The following CCSAP variants were observed in gnomAD, a reference collection of about 807,000 sequenced individuals.
CCSAP encodes centriole, cilia and spindle-associated protein.
Under a neutral mutation model 25.9 loss-of-function variants are expected in CCSAP, and 17 were observed. That is an observed-to-expected ratio of 0.66 (90% CI 0.45 to 0.99). CCSAP has a LOEUF of 0.99. CCSAP is among the 50% of genes least tolerant of loss of function. The probability of loss-of-function intolerance (pLI) is 0.00; values close to 1 mark genes in which losing one functional copy is unlikely to be tolerated. For missense variants in CCSAP, 339 were observed against 367.8 expected, an observed-to-expected ratio of 0.92 and a Z score of 0.64; for synonymous variants, 169 against 157.1, an observed-to-expected ratio of 1.08 and a Z score of -0.57.
At chr1:229,338,901 T>C (rs1264453292) in intron 2 of CCSAP, among the ~76,000 whole-genome samples, 1 of 151,900 alleles carries the variant, frequency 6.6e-6, no homozygotes, top group Non-Finnish European at 1.5e-5. Flanking sequence ...ATTCAAGAGC[T>C]CTTACATTTA....
At chr1:229,340,149 A>C (rs936434167) in intron 2 of CCSAP, among the ~76,000 whole-genome samples, 1 of 152,216 alleles carries the variant, frequency 6.6e-6, no homozygotes, top group Non-Finnish European at 1.5e-5. Context: ...AGAAACTCAA[A>C]AGAGTGCTCA....
chr1:229,322,058 G>A lies in CCSAP; in HGVS notation c.*3177C>T, dbSNP rs534008546. 1 of 152,332 alleles carries A rather than the reference G, an allele frequency of 6.6e-6. No homozygotes were observed. Among genetic ancestry groups the A allele is most frequent in the African/African-American group, 2.4e-5 (1 of 41,574 alleles). 9.4% of individuals were successfully genotyped at this position (152,332 alleles called of 1,614,324 possible). On this transcript the variant is annotated 3_prime_UTR_variant, in exon 4 of 4. Coordinates refer to ENST00000284617, the MANE Select transcript of CCSAP (RefSeq NM_145257.5). ...CTACACCATTTTATAGAAGGGGTTT[G>A]AGTATCCATGGAGTTTGGCATCCTA...
intron 2 of CCSAP, among the ~76,000 whole-genome samples, chr1:229,333,399 C>T (rs1264237039): frequency 6.9e-6 from 1 of 145,158 alleles, no homozygotes; most frequent in Non-Finnish European, 1.5e-5. Flanking sequence ...CGCCACTGCA[C>T]TCCAGCCTGG....
In CCSAP at chr1:229,322,486, A is replaced by G. The variant is rs1051239540; in HGVS notation, c.*2749T>C. ...ATTCATTTTTAAAATGAATCTTTTGAAGATCCATTTATTCACATTTTTCCA... is the reference window on the plus strand; with the variant it reads ...ATTCATTTTTAAAATGAATCTTTTGGAGATCCATTTATTCACATTTTTCCA... On this transcript the variant is annotated 3_prime_UTR_variant, in exon 4 of 4. Coordinates refer to ENST00000284617, the MANE Select transcript of CCSAP (RefSeq NM_145257.5). 2.6e-5 allele frequency: 4 copies of G among 152,206 alleles called. No homozygotes were observed. The highest frequency in any genetic ancestry group is 9.7e-5 in the African/African-American group (4 of 41,448). The allele number at this position is 152,206 out of a possible 1,614,324, so 9.4% of individuals were successfully genotyped here.
chr1:229,338,727 A>T (rs1658259613), intron 2 of CCSAP, among the ~76,000 whole-genome samples: 1 of 152,214 alleles, frequency 6.6e-6, no homozygotes, highest in Non-Finnish European at 1.5e-5. Flanking sequence ...TGCTGAAGAA[A>T]CACAGAAAGA....
In CCSAP at chr1:229,325,532, C is replaced by T; in HGVS notation, c.637-121G>A. ...TGCAGCAGGGCAGAGTCAAGCCCTGCCTCTCTATATAGTTCTTCTTTACAT... is the reference window on the plus strand; with the variant it reads ...TGCAGCAGGGCAGAGTCAAGCCCTGTCTCTCTATATAGTTCTTCTTTACAT... On this transcript the variant is annotated intron_variant, in intron 3 of 3. Transcript: ENST00000284617. The T allele has an allele frequency of 3.8e-6, 3 of 798,488 alleles. No homozygotes were observed. In the South Asian group the frequency reaches 5.5e-5, roughly 15 times the overall value. 49.5% of individuals were successfully genotyped at this position (798,488 alleles called of 1,614,324 possible).
chr1:229,337,702 C>CATATATATATATATATATAT, intron 2 of CCSAP, among the ~76,000 whole-genome samples: 1 of 48,568 alleles, frequency 2.1e-5, no homozygotes, highest in Non-Finnish European at 4.3e-5. Flanking sequence ...TATATATACA[C>CATATATATATATATATATAT]ATACATATAT....
At chr1:229,337,698 T>TATATACAC (rs1473619585) in intron 2 of CCSAP, among the ~76,000 whole-genome samples, 34 of 60,616 alleles carry the variant, frequency 5.6e-4, no homozygotes, top group Non-Finnish European at 9.1e-4. Context: ...TATATATATA[T>TATATACAC]ACACATACAT....
At chr1:229,327,600 T>A (rs1335134945) in intron 2 of CCSAP, 1 of 455,630 alleles carries the variant, frequency 2.2e-6, no homozygotes, top group Non-Finnish European at 4.4e-6. Context: ...CCGGGTGCGG[T>A]GGCTCACACC....
intron 2 of CCSAP, among the ~76,000 whole-genome samples, chr1:229,327,754 A>G (rs1189266927): frequency 6.6e-6 from 1 of 151,736 alleles, no homozygotes; most frequent in Non-Finnish European, 1.5e-5. Context: ...CTGTAGTCCC[A>G]GCTACTCGGG....
chr1:229,336,027 T>C (rs1262434303), intron 2 of CCSAP, among the ~76,000 whole-genome samples: 1 of 151,580 alleles, frequency 6.6e-6, no homozygotes, highest in Non-Finnish European at 1.5e-5. Flanking sequence ...TTATAAGTAA[T>C]CTAGAGATGA....
At chr1:229,329,348 T>C (rs1011564449) in intron 2 of CCSAP, among the ~76,000 whole-genome samples, 4 of 152,148 alleles carry the variant, frequency 2.6e-5, no homozygotes, top group African/African-American at 9.7e-5. Context: ...AAAGAGGGAA[T>C]GGCTTCTTCA....
intron 2 of CCSAP, among the ~76,000 whole-genome samples, chr1:229,338,689 GAAAC>G (rs925925493): frequency 6.6e-5 from 10 of 151,974 alleles, no homozygotes; most frequent in African/African-American, 2.4e-4. Flanking sequence ...CCAGCAAAAA[GAAAC>G]AAAGAGGCAG....
At chr1:229,339,773 T>C (rs1349571704) in intron 2 of CCSAP, among the ~76,000 whole-genome samples, 1 of 152,146 alleles carries the variant, frequency 6.6e-6, no homozygotes, top group Non-Finnish European at 1.5e-5. Flanking sequence ...AAGGGAATCA[T>C]GGGAAATAGT....
chr1:229,333,260 G>A (rs1034761814), intron 2 of CCSAP, among the ~76,000 whole-genome samples: 6 of 151,108 alleles, frequency 4.0e-5, no homozygotes, highest in East Asian at 3.9e-4. Context: ...GTGAAACCCC[G>A]TCTCTACTAA....
At chr1:229,338,574 C>G (rs1018859554) in intron 2 of CCSAP, among the ~76,000 whole-genome samples, 3 of 149,538 alleles carry the variant, frequency 2.0e-5, no homozygotes, top group Non-Finnish European at 4.5e-5. Flanking sequence ...CACACACACA[C>G]AGAATTTCCT....
intron 2 of CCSAP, among the ~76,000 whole-genome samples, chr1:229,333,431 G>GAA (rs368401348): frequency 0.022 from 1,581 of 70,346 alleles, 57 homozygotes; most frequent in Admixed American, 0.071. Flanking sequence ...AGACTCCATC[G>GAA]AAAAAAAAAA....
At chr1:229,333,934 C>T (rs10799526) in intron 2 of CCSAP, among the ~76,000 whole-genome samples, 37,563 of 151,994 alleles carry the variant, frequency 0.25, 4,604 homozygotes, top group South Asian at 0.28. Flanking sequence ...AAAATTGTAA[C>T]GTGTATTTTA....
At chr1:229,327,825 C>T (rs926274403) in intron 2 of CCSAP, among the ~76,000 whole-genome samples, 3 of 148,624 alleles carry the variant, frequency 2.0e-5, no homozygotes, top group Admixed American at 6.7e-5. Flanking sequence ...GCCCAGATTG[C>T]GCCACTGCAC....
Sources: allele counts gnomAD v4.1 joint callset (sites outside exome capture counted in the v4.1 genomes callset), GRCh38; gene constraint gnomAD v4.1.1; transcripts MANE v1.5; gene names NCBI Gene and HGNC (gene_info 2026-07-23, HGNC 2026-07-21).